Variants in RAPGEF5 observed in about 807,000 individuals in gnomAD.
The protein encoded by RAPGEF5 is Rap guanine nucleotide exchange factor 5, also known as M-Ras-regulated GEF.
RAPGEF5 carries 65 observed loss-of-function variants against 125.2 expected under a neutral mutation model. That is an observed-to-expected ratio of 0.52 (90% CI 0.43 to 0.64). The LOEUF (loss-of-function observed/expected upper bound fraction) is 0.64, where lower values mean the gene tolerates loss of function less well. RAPGEF5 is among the 30% of genes least tolerant of loss of function. The pLI, the probability that RAPGEF5 is intolerant of heterozygous loss-of-function variation, is 0.00. For missense variants in RAPGEF5, 958 were observed against 1,048.1 expected, an observed-to-expected ratio of 0.91 and a Z score of 1.19; for synonymous variants, 391 against 385.9, an observed-to-expected ratio of 1.01 and a Z score of -0.16.
chr7:22,304,239 C>T (rs1196596801), intron 5 of RAPGEF5, among the ~76,000 whole-genome samples: 1 of 151,974 alleles, frequency 6.6e-6, no homozygotes, highest in African/African-American at 2.4e-5. Context: ...ATAATTTTAT[C>T]TTTATATATT....
intron 7 of RAPGEF5, among the ~76,000 whole-genome samples, chr7:22,233,658 A>C (rs1208394319): frequency 6.6e-6 from 1 of 152,144 alleles, no homozygotes; most frequent in Non-Finnish European, 1.5e-5. Context: ...TCGGCCTCCC[A>C]AAATGCTGAA....
intron 7 of RAPGEF5, among the ~76,000 whole-genome samples, chr7:22,233,509 A>C (rs1786111389): frequency 6.6e-6 from 1 of 152,194 alleles, no homozygotes; most frequent in South Asian, 2.1e-4. Context: ...CATGCAGGAC[A>C]CTAAATAATA....
At position 22,122,180 on chromosome 7, in the gene RAPGEF5, C is replaced by G; in HGVS notation, c.*226G>C. The G allele has an allele frequency of 2.0e-6, 1 of 488,410 alleles. No homozygotes were observed. The highest frequency in any genetic ancestry group is 5.6e-4 in the Middle Eastern group (1 of 1,784). The allele number at this position is 488,410 out of a possible 1,614,324, so 30.3% of individuals were successfully genotyped here. On this transcript the variant is annotated 3_prime_UTR_variant, in exon 26 of 26. Coordinates refer to ENST00000665637, the MANE Select transcript of RAPGEF5 (RefSeq NM_012294.5). ...TTCTCCATCTCAAGAATGCTTCTGA[C>G]TCTCCTTCTGCCTTCTTGTCCCGAG...
chr7:22,356,875 C>T lies in RAPGEF5; in HGVS notation c.186G>A (p.Arg62=). ...GCTTCCTCCGCAGCGTGAGCCCGCT[C>T]CGCAGCAGCGCGGGCAGGTCCCTCA... ...PRLRDLPALL[R]SGLTLRRKRS... is the part of the protein sequence containing the mutation. The change falls in exon 1 of 26, where the codon CGG becomes CGA. Residue 62 remains arginine (R), a synonymous_variant. Transcript: ENST00000665637. 8.6e-7 allele frequency: 1 copy of T among 1,158,484 alleles called. No homozygotes were observed. Among genetic ancestry groups the T allele is most frequent in the Non-Finnish European group, 1.1e-6 (1 of 941,224 alleles). The allele number at this position is 1,158,484 out of a possible 1,614,324, so 71.8% of individuals were successfully genotyped here.
chr7:22,193,086 G>A, intron 11 of RAPGEF5: 1 of 511,240 alleles, frequency 2.0e-6, no homozygotes. Flanking sequence ...CTTGCCAACT[G>A]CCTTTAGGTG....
chr7:22,244,296 G>A (rs141375069), intron 7 of RAPGEF5, among the ~76,000 whole-genome samples: 159 of 152,124 alleles, frequency 1.0e-3, no homozygotes, highest in Non-Finnish European at 1.7e-3. Context: ...TGTGAATACC[G>A]TAATGCAGAA....
At chr7:22,280,761 T>C (rs1215877811) in intron 6 of RAPGEF5, among the ~76,000 whole-genome samples, 1 of 152,230 alleles carries the variant, frequency 6.6e-6, no homozygotes, top group East Asian at 1.9e-4. Context: ...TTTATCCCCT[T>C]TTCCTTGTTT....
chr7:22,201,933 T>G (rs77623107), intron 9 of RAPGEF5, among the ~76,000 whole-genome samples: 1 of 152,122 alleles, frequency 6.6e-6, no homozygotes, highest in Non-Finnish European at 1.5e-5. Context: ...TGGTTTGGTT[T>G]TACATCCAGA....
chr7:22,270,556 T>C (rs1782394662), intron 6 of RAPGEF5, among the ~76,000 whole-genome samples: 1 of 152,246 alleles, frequency 6.6e-6, no homozygotes, highest in African/African-American at 2.4e-5. Context: ...CATGTTCTGA[T>C]ACTGGCCATG....
At chr7:22,356,023 C>A (rs1412742437) in intron 1 of RAPGEF5, 4 of 985,332 alleles carry the variant, frequency 4.1e-6, no homozygotes, top group African/African-American at 1.7e-5. Context: ...CTGAGTAAGT[C>A]AGCTCTGTGT....
intron 7 of RAPGEF5, among the ~76,000 whole-genome samples, chr7:22,241,351 G>A (rs1055225418): frequency 1.3e-5 from 2 of 152,016 alleles, no homozygotes; most frequent in Non-Finnish European, 2.9e-5. Flanking sequence ...AGGTGTCCTT[G>A]TGTTTGCAAA....
At chr7:22,221,065 T>C (rs550552106) in intron 8 of RAPGEF5, among the ~76,000 whole-genome samples, 2 of 152,334 alleles carry the variant, frequency 1.3e-5, no homozygotes, top group African/African-American at 4.8e-5. Context: ...GGCAGTGGTA[T>C]CTCTTTATCT....
chr7:22,225,131 C>G (rs894594274), intron 8 of RAPGEF5, among the ~76,000 whole-genome samples: 1 of 152,052 alleles, frequency 6.6e-6, no homozygotes, highest in South Asian at 2.1e-4. Flanking sequence ...GCACTCCAGC[C>G]TGGGCAAAAG....
At chr7:22,175,456 G>A (rs1784474389) in intron 11 of RAPGEF5, among the ~76,000 whole-genome samples, 1 of 152,086 alleles carries the variant, frequency 6.6e-6, no homozygotes, top group Non-Finnish European at 1.5e-5. Flanking sequence ...CAAGGAGCTG[G>A]GATGAAAAAT....
At position 22,308,466 on chromosome 7, in the gene RAPGEF5, G is replaced by T. The variant is rs781291003; in HGVS notation, c.553C>A (p.Gln185Lys). 1.9e-6 allele frequency: 3 copies of T among 1,568,920 alleles called. No individual in the cohort carries two copies. Among genetic ancestry groups the T allele is most frequent in the Non-Finnish European group, 2.6e-6 (3 of 1,155,418 alleles). The stretch of plus-strand genomic sequence containing the variant: ...TAGCTACATTCATCAGAGGAAAACT[G>T]GTAGAAAACATAAGTATCTTGAAAG... ...LYFQDTYVFY[Q>K]FSSDECSYLY... Residue 185 changes from glutamine (Q) to lysine (K), a missense_variant, in exon 5 of 26, where the codon CAG becomes AAG. Gln to Lys is a moderately conservative substitution (Grantham distance 53). Coordinates refer to ENST00000665637, the MANE Select transcript of RAPGEF5 (RefSeq NM_012294.5).
chr7:22,261,543 T>G (rs924638889), intron 7 of RAPGEF5, among the ~76,000 whole-genome samples: 4 of 152,006 alleles, frequency 2.6e-5, no homozygotes, highest in Admixed American at 2.6e-4. Context: ...GCCTGGGAGG[T>G]CAAAGCTGCA....
At chr7:22,263,676 GC>G (rs1782213122) in intron 7 of RAPGEF5, among the ~76,000 whole-genome samples, 1 of 151,732 alleles carries the variant, frequency 6.6e-6, no homozygotes, top group South Asian at 2.1e-4. Flanking sequence ...GTTGCAGTGA[GC>G]CGAAATTGCG....
intron 5 of RAPGEF5, among the ~76,000 whole-genome samples, chr7:22,304,853 C>G (rs1396929176): frequency 1.3e-5 from 2 of 152,148 alleles, no homozygotes; most frequent in African/African-American, 4.8e-5. Flanking sequence ...ATATTAAGAG[C>G]ATATCACAAT....
At chr7:22,193,595 AGAGCGCCGCGGCG>A (rs1385726096) in intron 10 of RAPGEF5, 140 bp from the exon 11 acceptor site, 2 of 1,551,160 alleles carry the variant, frequency 1.3e-6, no homozygotes, top group Non-Finnish European at 8.7e-7. Context: ...TCTCGGTCTG[AGAGCGCCGCGGCG>A]GAATCTTTCC....
Sources: allele counts gnomAD v4.1 joint callset (sites outside exome capture counted in the v4.1 genomes callset), GRCh38; gene constraint gnomAD v4.1.1; transcripts MANE v1.5; gene names NCBI Gene and HGNC (gene_info 2026-07-23, HGNC 2026-07-21).